The following ARB2A variants were observed in gnomAD, a reference collection of about 807,000 sequenced individuals.
ARB2A encodes cotranscriptional regulator ARB2A.
the ARB2A span, among the ~76,000 whole-genome samples, chr5:93,906,257 A>G: frequency 6.6e-6 from 1 of 151,460 alleles, no homozygotes; most frequent in Non-Finnish European, 1.5e-5. Flanking sequence ...TTTCTCCTTC[A>G]TATTTTTGAC....
chr5:93,679,018 C>T, the ARB2A span, among the ~76,000 whole-genome samples: 5 of 151,940 alleles, frequency 3.3e-5, no homozygotes, highest in South Asian at 2.1e-4. Flanking sequence ...GTGCTTTTAA[C>T]GTAAAAAGTG....
At chr5:93,765,797 G>T in the ARB2A span, among the ~76,000 whole-genome samples, 1 of 152,104 alleles carries the variant, frequency 6.6e-6, no homozygotes, top group African/African-American at 2.4e-5. Flanking sequence ...ATACTACAAG[G>T]CTATGGTAAC....
the ARB2A span, among the ~76,000 whole-genome samples, chr5:93,751,765 A>C: frequency 6.6e-6 from 1 of 152,208 alleles, no homozygotes; most frequent in African/African-American, 2.4e-5. Flanking sequence ...TGTTTTGGGA[A>C]TATTTTGGCC....
chr5:94,012,980 G>A, the ARB2A span, among the ~76,000 whole-genome samples: 1 of 152,140 alleles, frequency 6.6e-6, no homozygotes, highest in Non-Finnish European at 1.5e-5. Flanking sequence ...CTTCAGGCAT[G>A]TGCAGTTATC....
the ARB2A span, among the ~76,000 whole-genome samples, chr5:93,906,956 TA>T: frequency 2.4e-4 from 37 of 151,668 alleles, no homozygotes; most frequent in African/African-American, 8.9e-4. Flanking sequence ...TAGCAAATAG[TA>T]ACACTTTATT....
chr5:93,756,887 A>C, the ARB2A span, among the ~76,000 whole-genome samples: 1 of 152,186 alleles, frequency 6.6e-6, no homozygotes, highest in South Asian at 2.1e-4. Context: ...TCCCTGATTT[A>C]CCTGAAAAAG....
chr5:93,660,356 T>TTA, the ARB2A span, among the ~76,000 whole-genome samples: 2 of 152,076 alleles, frequency 1.3e-5, no homozygotes. Flanking sequence ...CACATATAGG[T>TTA]AATAAGTCCT....
chr5:93,950,342 A>C, the ARB2A span, among the ~76,000 whole-genome samples: 1 of 152,170 alleles, frequency 6.6e-6, no homozygotes, highest in East Asian at 1.9e-4. Context: ...AACAGTGTAC[A>C]AAGGTTTCCT....
At chr5:93,857,731 C>T in the ARB2A span, among the ~76,000 whole-genome samples, 13,229 of 152,264 alleles carry the variant, frequency 0.087, 781 homozygotes, top group Middle Eastern at 0.17. Context: ...TGACCCCTTG[C>T]GCTTCCCGAG....
chr5:93,901,557 A>G, the ARB2A span, among the ~76,000 whole-genome samples: 1 of 152,136 alleles, frequency 6.6e-6, no homozygotes, highest in Non-Finnish European at 1.5e-5. Context: ...AAAATTCAAT[A>G]CTACCTCAAA....
the ARB2A span, among the ~76,000 whole-genome samples, chr5:93,724,374 G>A: frequency 6.6e-6 from 1 of 151,920 alleles, no homozygotes; most frequent in Admixed American, 6.6e-5. Flanking sequence ...ACAAAGTCCT[G>A]TAACAGTCAA....
At chr5:93,879,247 C>G in the ARB2A span, among the ~76,000 whole-genome samples, 1 of 151,880 alleles carries the variant, frequency 6.6e-6, no homozygotes, top group Admixed American at 6.6e-5. Context: ...ACTACAAGGC[C>G]AAAACTTACT....
At chr5:93,773,006 T>A in the ARB2A span, among the ~76,000 whole-genome samples, 8 of 152,244 alleles carry the variant, frequency 5.3e-5, no homozygotes, top group Admixed American at 5.2e-4. Context: ...GACAATATCC[T>A]GCAAATATGG....
chr5:93,624,413 A>G, the ARB2A span, among the ~76,000 whole-genome samples: 1 of 152,190 alleles, frequency 6.6e-6, no homozygotes, highest in South Asian at 2.1e-4. Flanking sequence ...CACAAAATAT[A>G]AGGAGTAAAA....
At chr5:93,975,452 G>C in the ARB2A span, among the ~76,000 whole-genome samples, 3 of 151,046 alleles carry the variant, frequency 2.0e-5, no homozygotes, top group African/African-American at 7.3e-5. Context: ...AATCAGAACA[G>C]AACTAAATGA....
At chr5:93,653,195 T>C in the ARB2A span, among the ~76,000 whole-genome samples, 1 of 152,060 alleles carries the variant, frequency 6.6e-6, no homozygotes, top group South Asian at 2.1e-4. Flanking sequence ...GTACAACTTA[T>C]ATGAACTAGA....
the ARB2A span, among the ~76,000 whole-genome samples, chr5:93,676,805 T>C: frequency 6.6e-6 from 1 of 152,204 alleles, no homozygotes; most frequent in Admixed American, 6.5e-5. Context: ...GCAGGGACCA[T>C]GTATCCAGCT....
chr5:94,010,427 C>A, the ARB2A span, among the ~76,000 whole-genome samples: 1 of 151,896 alleles, frequency 6.6e-6, no homozygotes. Flanking sequence ...TGACTTTAAT[C>A]CTTTTGGGGC....
chr5:94,087,487 A>T, the ARB2A span, among the ~76,000 whole-genome samples: 25 of 152,376 alleles, frequency 1.6e-4, no homozygotes, highest in East Asian at 4.8e-3. Flanking sequence ...CTAGTTGTAT[A>T]TATTTCATGT....
Sources: gnomAD v4.1 joint callset for allele counts (sites outside exome capture counted in the v4.1 genomes callset) on GRCh38, gnomAD v4.1.1 for gene constraint, MANE v1.5 for transcripts, NCBI Gene and HGNC (gene_info 2026-07-23, HGNC 2026-07-21) for gene names.